The following DDAH1 variants were observed in gnomAD, a reference collection of about 807,000 sequenced individuals.
The protein encoded by DDAH1 is dimethylarginine dimethylaminohydrolase 1, also known as N(G),N(G)-dimethylarginine dimethylaminohydrolase 1.
A neutral mutation model predicts 28.8 loss-of-function variants in DDAH1; 19 were observed. The observed-to-expected ratio is 0.66, with a 90% CI of 0.46 to 0.97. DDAH1 has a LOEUF of 0.97. Among genes scored for constraint, DDAH1 ranks in the 50% least tolerant of loss-of-function variants. The pLI, the probability that DDAH1 is intolerant of heterozygous loss-of-function variation, is 0.00. For synonymous variants in DDAH1, 153 were observed against 154.4 expected (o/e 0.99, Z 0.07); for missense variants, 326 against 375.9 (o/e 0.87, Z 1.10).
chr1:85,519,086 A>ATTTTTT lies in DDAH1; in HGVS notation c.-122-22806_-122-22805insAAAAAA, dbSNP rs1411129355. ...AACAAGAAGAAACGAGGAAAGACGG[A>ATTTTTT]TCTTTTTTTTTTTTTTTTTTTTTTT... On this transcript the variant is annotated intron_variant, in intron 1 of 6. Transcript: ENST00000426972. 3.2e-4 allele frequency among the ~76,000 whole-genome samples: 32 copies of ATTTTTT among 101,370 alleles called. 1 individual carries two copies. In the South Asian group the frequency reaches 0.01, roughly 32 times the overall value. The allele number at this position is 101,370 out of a possible 152,430, so 66.5% of individuals were successfully genotyped here. A position where few individuals can be genotyped will look rare whatever the true frequency, so the allele number is the denominator to read the frequency against.
intron 4 of DDAH1, 133 bp from the exon 5 acceptor site, chr1:85,325,016 AC>A: frequency 5.1e-6 from 5 of 971,706 alleles, no homozygotes; most frequent in Non-Finnish European, 7.3e-6. Flanking sequence ...CCCATCTATT[AC>A]CTCCAGTCAC....
At chr1:85,491,905 G>GA (rs1238056911) in intron 2 of DDAH1, among the ~76,000 whole-genome samples, 2 of 152,142 alleles carry the variant, frequency 1.3e-5, no homozygotes, top group Admixed American at 1.3e-4. Context: ...CTGGCATGAG[G>GA]AATATGTCTG....
chr1:85,429,182 C>A (rs1480138575), intron 1 of DDAH1, among the ~76,000 whole-genome samples: 3 of 146,788 alleles, frequency 2.0e-5, no homozygotes, highest in Admixed American at 6.9e-5. Flanking sequence ...CACCCCCCAG[C>A]AGGCCCCTGT....
intron 2 of DDAH1, among the ~76,000 whole-genome samples, chr1:85,477,024 G>A (rs954862281): frequency 1.3e-5 from 2 of 152,100 alleles, no homozygotes; most frequent in Non-Finnish European, 2.9e-5. Flanking sequence ...CCATGAGCAT[G>A]TATAATAACG....
intron 1 of DDAH1, among the ~76,000 whole-genome samples, chr1:85,437,660 G>A (rs1654003153): frequency 6.6e-6 from 1 of 152,092 alleles, no homozygotes. Flanking sequence ...GCAACAGTAG[G>A]CTATTTGTAG....
At chr1:85,347,770 AAG>A (rs1190755384) in intron 4 of DDAH1, among the ~76,000 whole-genome samples, 1 of 130,328 alleles carries the variant, frequency 7.7e-6, no homozygotes, top group East Asian at 2.4e-4. Context: ...ATAATAAAAA[AAG>A]AAAAAATAAT....
chr1:85,326,614 A>T (rs577932145), intron 4 of DDAH1, among the ~76,000 whole-genome samples: 1 of 152,184 alleles, frequency 6.6e-6, no homozygotes, highest in Admixed American at 6.5e-5. Context: ...ACTACATAAC[A>T]CCTACTTTTT....
intron 1 of DDAH1, among the ~76,000 whole-genome samples, chr1:85,503,088 A>T (rs1017467640): frequency 1.2e-5 from 1 of 83,614 alleles, no homozygotes; most frequent in African/African-American, 3.0e-5. Flanking sequence ...GAAATAAGTT[A>T]AAAAAAAACC....
chr1:85,436,105 A>G (rs373078439), intron 1 of DDAH1, among the ~76,000 whole-genome samples: 7 of 152,032 alleles, frequency 4.6e-5, no homozygotes, highest in African/African-American at 7.2e-5. Context: ...CCAGCCACTT[A>G]TATCTGTTTT....
chr1:85,463,598 G>T (rs534012412), intron 1 of DDAH1, among the ~76,000 whole-genome samples: 2 of 152,324 alleles, frequency 1.3e-5, no homozygotes, highest in South Asian at 4.1e-4. Context: ...ATCTCGATGA[G>T]AAATTAGTAG....
chr1:85,471,321 C>A (rs957862059), intron 2 of DDAH1, among the ~76,000 whole-genome samples: 1 of 152,106 alleles, frequency 6.6e-6, no homozygotes, highest in Admixed American at 6.5e-5. Context: ...TTTTGCTAGT[C>A]CCTGGGTTCC....
intron 1 of DDAH1, among the ~76,000 whole-genome samples, chr1:85,536,838 A>G (rs1323466694): frequency 6.6e-6 from 1 of 151,708 alleles, no homozygotes; most frequent in Non-Finnish European, 1.5e-5. Flanking sequence ...GAAATCAGTT[A>G]TGATGAAGAG....
intron 1 of DDAH1, among the ~76,000 whole-genome samples, chr1:85,450,728 A>T (rs1654634764): frequency 1.3e-5 from 2 of 152,212 alleles, no homozygotes; most frequent in African/African-American, 4.8e-5. Flanking sequence ...GATGTAACTG[A>T]GAAGTGGAAC....
intron 1 of DDAH1, among the ~76,000 whole-genome samples, chr1:85,566,254 C>T (rs142824011): frequency 7.2e-5 from 11 of 151,792 alleles, no homozygotes; most frequent in Non-Finnish European, 1.5e-4. Flanking sequence ...GCCTGTAATC[C>T]TAACACTTTG....
intron 1 of DDAH1, among the ~76,000 whole-genome samples, chr1:85,514,468 A>G (rs1303489601): frequency 2.6e-5 from 4 of 151,470 alleles, no homozygotes; most frequent in Admixed American, 6.6e-5. Flanking sequence ...AACATGGCAC[A>G]TGTATACCTA....
chr1:85,439,621 A>C (rs1200152817), intron 1 of DDAH1, among the ~76,000 whole-genome samples: 1 of 152,232 alleles, frequency 6.6e-6, no homozygotes, highest in African/African-American at 2.4e-5. Context: ...TTAATCATCT[A>C]GTTACTACAC....
chr1:85,397,206 T>C (rs763378296), intron 1 of DDAH1, among the ~76,000 whole-genome samples: 4 of 152,220 alleles, frequency 2.6e-5, no homozygotes, highest in Non-Finnish European at 5.9e-5. Context: ...TTAAGTCTTA[T>C]TGTCCTCAGT....
At chr1:85,327,545 T>G (rs1201440029) in intron 4 of DDAH1, among the ~76,000 whole-genome samples, 1 of 152,182 alleles carries the variant, frequency 6.6e-6, no homozygotes, top group Non-Finnish European at 1.5e-5. Context: ...GCAGTTTTGC[T>G]CTCTTCAACC....
At chr1:85,386,245 CA>C (rs1256483864) in intron 1 of DDAH1, among the ~76,000 whole-genome samples, 1 of 152,140 alleles carries the variant, frequency 6.6e-6, no homozygotes, top group African/African-American at 2.4e-5. Context: ...GTCCAAAGTC[CA>C]AAGTCTCATC....
Sources: allele counts gnomAD v4.1 joint callset (sites outside exome capture counted in the v4.1 genomes callset), GRCh38; gene constraint gnomAD v4.1.1; transcripts MANE v1.5; gene names NCBI Gene and HGNC (gene_info 2026-07-23, HGNC 2026-07-21).